CNTN5: variants seen among roughly 807,000 people sequenced by gnomAD.
CNTN5 encodes the protein contactin-5.
Under a neutral mutation model 129.1 loss-of-function variants are expected in CNTN5, and 77 were observed. The observed-to-expected ratio is 0.60, with a 90% CI of 0.50 to 0.72. The LOEUF (loss-of-function observed/expected upper bound fraction) is 0.72, where lower values mean the gene tolerates loss of function less well. Among genes scored for constraint, CNTN5 ranks in the 30% least tolerant of loss-of-function variants. CNTN5 has a pLI of 0.00. For synonymous variants in CNTN5, 509 were observed against 465.6 expected, an observed-to-expected ratio of 1.09 and a Z score of -1.20; for missense variants, 1,478 against 1,328.8, an observed-to-expected ratio of 1.11 and a Z score of -1.75.
At position 99,029,267 on chromosome 11, in the gene CNTN5, G is replaced by C. The variant is rs371653649; in HGVS notation, c.-210+7997G>C. On this transcript the variant is annotated intron_variant, in intron 1 of 24. Coordinates refer to ENST00000524871, the MANE Select transcript of CNTN5 (RefSeq NM_014361.4). ...ACAATCCTGTTCTAATTGTGGAAGG[G>C]GATATTGAGATCTTTAGAACATCAG... is the stretch of plus-strand genomic sequence containing the variant. 5.3e-5 allele frequency among the ~76,000 whole-genome samples: 8 copies of C among 151,102 alleles called. No homozygotes were observed. The South Asian group carries it at 6.3e-4, about 12-fold the overall frequency.
chr11:99,183,764 C>G (rs1467301020), intron 1 of CNTN5, among the ~76,000 whole-genome samples: 2 of 152,100 alleles, frequency 1.3e-5, no homozygotes, highest in African/African-American at 2.4e-5. Flanking sequence ...TCCAACCTAA[C>G]TGCGTAAACT....
chr11:99,103,065 G>A (rs1170116002), intron 1 of CNTN5, among the ~76,000 whole-genome samples: 1 of 152,092 alleles, frequency 6.6e-6, no homozygotes, highest in Non-Finnish European at 1.5e-5. Context: ...AAGCGAAAGG[G>A]GTTTCTCCTT....
At chr11:100,275,065 T>A (rs752504252) in intron 18 of CNTN5, among the ~76,000 whole-genome samples, 1 of 148,996 alleles carries the variant, frequency 6.7e-6, no homozygotes, top group Non-Finnish European at 1.5e-5. Flanking sequence ...CAAAAGATGT[T>A]CAGTTTTTTT....
At chr11:99,423,552 A>G (rs940700263) in intron 2 of CNTN5, among the ~76,000 whole-genome samples, 1 of 152,206 alleles carries the variant, frequency 6.6e-6, no homozygotes, top group Non-Finnish European at 1.5e-5. Context: ...AACGGAGGAA[A>G]ATCTATTTCC....
At chr11:100,165,124 CAAAAATA>C (rs1167588419) in intron 13 of CNTN5, among the ~76,000 whole-genome samples, 1 of 150,860 alleles carries the variant, frequency 6.6e-6, no homozygotes, top group South Asian at 2.1e-4. Flanking sequence ...TGGGTGGCAG[CAAAAATA>C]AAAAATTAAA....
At chr11:99,745,825 T>C (rs1162252929) in intron 3 of CNTN5, among the ~76,000 whole-genome samples, 1 of 152,160 alleles carries the variant, frequency 6.6e-6, no homozygotes, top group Non-Finnish European at 1.5e-5. Flanking sequence ...GCACTGATTC[T>C]AAGGCACTTA....
intron 15 of CNTN5, among the ~76,000 whole-genome samples, chr11:100,208,845 G>T (rs1325749820): frequency 8.5e-5 from 13 of 152,314 alleles, no homozygotes; most frequent in South Asian, 6.2e-4. Context: ...TTGAGTGACT[G>T]CTGGTGGTCT....
intron 1 of CNTN5, among the ~76,000 whole-genome samples, chr11:99,148,254 A>G (rs1234356447): frequency 1.3e-5 from 2 of 152,166 alleles, no homozygotes; most frequent in African/African-American, 4.8e-5. Flanking sequence ...CTAATTTTAA[A>G]GGTTTTCATG....
At chr11:100,156,250 T>C (rs1947238072) in intron 13 of CNTN5, among the ~76,000 whole-genome samples, 2 of 152,170 alleles carry the variant, frequency 1.3e-5, no homozygotes, top group African/African-American at 4.8e-5. Flanking sequence ...TCTGCATCTA[T>C]TGAGATAATC....
chr11:99,920,869 T>C (rs1949921067), intron 7 of CNTN5, among the ~76,000 whole-genome samples: 1 of 152,158 alleles, frequency 6.6e-6, no homozygotes, highest in Admixed American at 6.5e-5. Flanking sequence ...TGAGGGGATA[T>C]AAACATTCAG....
intron 2 of CNTN5, among the ~76,000 whole-genome samples, chr11:99,347,089 T>A (rs1937944426): frequency 6.6e-6 from 1 of 152,190 alleles, no homozygotes; most frequent in Admixed American, 6.5e-5. Context: ...GCAGAGAGTT[T>A]TCATGTTCTT....
At chr11:100,089,320 C>T (rs952588390) in intron 13 of CNTN5, among the ~76,000 whole-genome samples, 14 of 151,866 alleles carry the variant, frequency 9.2e-5, no homozygotes, top group South Asian at 2.1e-4. Context: ...TCAACATCAC[C>T]GATCATTATA....
intron 1 of CNTN5, among the ~76,000 whole-genome samples, chr11:99,211,161 C>A (rs572506575): frequency 6.6e-6 from 1 of 152,140 alleles, no homozygotes; most frequent in East Asian, 1.9e-4. Context: ...TTTTTATTAT[C>A]TTGGTAATTT....
At chr11:99,715,431 T>G (rs931922872) in intron 3 of CNTN5, among the ~76,000 whole-genome samples, 1 of 151,264 alleles carries the variant, frequency 6.6e-6, no homozygotes, top group Non-Finnish European at 1.5e-5. Flanking sequence ...GAGAGCAGAA[T>G]AGTTGACATC....
At chr11:99,974,934 TAAATG>T (rs1269605196) in intron 8 of CNTN5, among the ~76,000 whole-genome samples, 1 of 152,190 alleles carries the variant, frequency 6.6e-6, no homozygotes, top group African/African-American at 2.4e-5. Flanking sequence ...GTTTAATAAA[TAAATG>T]AAAGCCAACA....
intron 6 of CNTN5, among the ~76,000 whole-genome samples, chr11:99,907,811 G>T (rs558266035): frequency 2.8e-4 from 43 of 152,038 alleles, no homozygotes; most frequent in Middle Eastern, 3.4e-3. Context: ...TTGTAAATAA[G>T]TGGGATGAAT....
chr11:99,425,459 C>T (rs1431299677), intron 2 of CNTN5, among the ~76,000 whole-genome samples: 1 of 152,216 alleles, frequency 6.6e-6, no homozygotes, highest in Non-Finnish European at 1.5e-5. Flanking sequence ...CCCACACCAC[C>T]CCTTGCCTCT....
chr11:99,109,700 G>A (rs914992201), intron 1 of CNTN5, among the ~76,000 whole-genome samples: 1 of 152,068 alleles, frequency 6.6e-6, no homozygotes, highest in African/African-American at 2.4e-5. Context: ...GCCGCTGCTG[G>A]ATATTGCTTC....
intron 3 of CNTN5, among the ~76,000 whole-genome samples, chr11:99,802,451 G>A (rs74399970): frequency 0.035 from 5,312 of 152,240 alleles, 136 homozygotes; most frequent in South Asian, 0.097. Context: ...TAATAGTGCC[G>A]TTTGCAAGGG....
Sources: gnomAD v4.1 joint callset for allele counts (sites outside exome capture counted in the v4.1 genomes callset) on GRCh38, gnomAD v4.1.1 for gene constraint, MANE v1.5 for transcripts, NCBI Gene and HGNC (gene_info 2026-07-23, HGNC 2026-07-21) for gene names.